MALRD1: variants seen among roughly 807,000 people sequenced by gnomAD.
MALRD1 encodes MAM and LDL receptor class A domain containing 1, also known as MAM and LDL-receptor class A domain-containing protein 1.
A neutral mutation model predicts 242.1 loss-of-function variants in MALRD1; 247 were observed. The observed-to-expected ratio is 1.02, with a 90% CI of 0.92 to 1.13. MALRD1 has a LOEUF of 1.13. Ranked by LOEUF, MALRD1 falls within the 50% of genes most tolerant of loss-of-function variation. The pLI, the probability that MALRD1 is intolerant of heterozygous loss-of-function variation, is 0.00. For missense variants in MALRD1, 2,989 were observed against 2,533.1 expected (o/e 1.18, Z -3.86); for synonymous variants, 995 against 866.6 (o/e 1.15, Z -2.60).
At chr10:19,458,925 G>A (rs1385916646) in intron 29 of MALRD1, among the ~76,000 whole-genome samples, 1 of 151,594 alleles carries the variant, frequency 6.6e-6, no homozygotes, top group African/African-American at 2.4e-5. Flanking sequence ...TATATATATA[G>A]TATTTTTTAA....
intron 12 of MALRD1, among the ~76,000 whole-genome samples, chr10:19,160,137 A>C (rs1834334506): frequency 6.6e-6 from 1 of 152,172 alleles, no homozygotes; most frequent in African/African-American, 2.4e-5. Flanking sequence ...ATTTTACTTA[A>C]CTTGTTTTGA....
chr10:19,181,058 A>C (rs1835481047), intron 14 of MALRD1, among the ~76,000 whole-genome samples: 1 of 152,100 alleles, frequency 6.6e-6, no homozygotes, highest in African/African-American at 2.4e-5. Flanking sequence ...ATTAAAAAAA[A>C]GCGTAACACA....
Position 19,683,255 on chromosome 10 carries a change from C to T in MALRD1, c.6138-9027C>T, listed in dbSNP as rs140963447. On this transcript the variant is annotated intron_variant, in intron 36 of 39. Coordinates refer to ENST00000454679, the MANE Select transcript of MALRD1 (RefSeq NM_001142308.3). ...CCAAATGCTCACAATGGGATCGGAG[C>T]CTGCCTTTGTTAGATCCAGCTCCCT... Among the ~76,000 whole-genome samples, 374 of 152,262 alleles carry T rather than the reference C, an allele frequency of 2.5e-3. 2 individuals carry two copies. Among genetic ancestry groups the T allele is most frequent in the Non-Finnish European group, 2.5e-3 (167 of 68,030 alleles).
At chr10:19,496,882 A>G (rs1316158723) in intron 30 of MALRD1, among the ~76,000 whole-genome samples, 2 of 152,184 alleles carry the variant, frequency 1.3e-5, no homozygotes, top group African/African-American at 2.4e-5. Context: ...GAAGCTGTGG[A>G]AAGTCAATAG....
intron 5 of MALRD1, among the ~76,000 whole-genome samples, chr10:19,118,998 A>C (rs1836970387): frequency 6.6e-6 from 1 of 152,206 alleles, no homozygotes; most frequent in African/African-American, 2.4e-5. Context: ...CAAATTAAGA[A>C]GTTACTAAGA....
At chr10:19,493,936 G>T (rs1011264049) in intron 30 of MALRD1, among the ~76,000 whole-genome samples, 5 of 152,188 alleles carry the variant, frequency 3.3e-5, no homozygotes, top group Admixed American at 3.3e-4. Flanking sequence ...GATGTACTAA[G>T]TAGGGCATTT....
chr10:19,168,211 G>T (rs1448427700), intron 13 of MALRD1, among the ~76,000 whole-genome samples: 1 of 152,186 alleles, frequency 6.6e-6, no homozygotes, highest in Non-Finnish European at 1.5e-5. Flanking sequence ...AAGACGTCAT[G>T]AATACTAGCA....
chr10:19,109,467 A>T (rs1255285233), intron 5 of MALRD1, among the ~76,000 whole-genome samples: 1 of 152,078 alleles, frequency 6.6e-6, no homozygotes, highest in Non-Finnish European at 1.5e-5. Flanking sequence ...GATTGCCTAT[A>T]ATTTGGGGGT....
chr10:19,499,029 A>C (rs1459361380), intron 31 of MALRD1, among the ~76,000 whole-genome samples: 1 of 152,174 alleles, frequency 6.6e-6, no homozygotes, highest in African/African-American at 2.4e-5. Flanking sequence ...CAGTCACAAC[A>C]ATGAAATGGC....
intron 11 of MALRD1, among the ~76,000 whole-genome samples, chr10:19,147,579 T>C (rs1012202711): frequency 6.6e-6 from 1 of 152,242 alleles, no homozygotes; most frequent in African/African-American, 2.4e-5. Context: ...TTTTTCTCTG[T>C]TCAAGCCAAT....
intron 18 of MALRD1, among the ~76,000 whole-genome samples, chr10:19,252,489 A>G (rs11009135): frequency 0.13 from 20,146 of 152,066 alleles, 1,679 homozygotes; most frequent in Admixed American, 0.27. Flanking sequence ...AGCTAAGAAG[A>G]AATACAATAT....
chr10:19,226,670 G>T (rs968767013), intron 18 of MALRD1, among the ~76,000 whole-genome samples: 1 of 151,796 alleles, frequency 6.6e-6, no homozygotes, highest in African/African-American at 2.4e-5. Flanking sequence ...AAAGAAGAAA[G>T]AAATAAAGAG....
chr10:19,185,788 A>C (rs565374500), intron 14 of MALRD1, among the ~76,000 whole-genome samples: 3 of 143,256 alleles, frequency 2.1e-5, no homozygotes, highest in African/African-American at 7.8e-5. Flanking sequence ...TCCTATAGCA[A>C]CTCTCTGCTC....
chr10:19,048,134 G>C (rs1464508769), upstream of MALRD1, among the ~76,000 whole-genome samples: 1 of 152,132 alleles, frequency 6.6e-6, no homozygotes, highest in Non-Finnish European at 1.5e-5. Context: ...TGAATTGACA[G>C]GTGAATTCTT....
At chr10:19,718,096 G>A (rs1254866575) in intron 38 of MALRD1, among the ~76,000 whole-genome samples, 1 of 97,068 alleles carries the variant, frequency 1.0e-5, no homozygotes, top group Non-Finnish European at 2.0e-5. Flanking sequence ...AGAAGAAGAA[G>A]AAGAGGAAGA....
At chr10:19,461,725 TC>T (rs1835956210) in intron 29 of MALRD1, among the ~76,000 whole-genome samples, 1 of 151,988 alleles carries the variant, frequency 6.6e-6, no homozygotes, top group South Asian at 2.1e-4. Context: ...ACACCTGTGG[TC>T]CCAGCTACTT....
At chr10:19,211,609 C>T (rs1312253168) in intron 18 of MALRD1, among the ~76,000 whole-genome samples, 2 of 144,058 alleles carry the variant, frequency 1.4e-5, no homozygotes, top group African/African-American at 5.2e-5. Context: ...ATCGCTTGAA[C>T]CCAGGAGGCT....
At chr10:19,599,144 AT>A (rs1427623688) in intron 34 of MALRD1, among the ~76,000 whole-genome samples, 1 of 152,174 alleles carries the variant, frequency 6.6e-6, no homozygotes, top group Non-Finnish European at 1.5e-5. Flanking sequence ...TTGGAGTGGA[AT>A]GCAGGAAAAA....
At chr10:19,726,805 T>C (rs1835047276) in intron 38 of MALRD1, among the ~76,000 whole-genome samples, 1 of 152,210 alleles carries the variant, frequency 6.6e-6, no homozygotes, top group African/African-American at 2.4e-5. Context: ...ACAATATGGA[T>C]GAATCTTGAA....
Sources: gnomAD v4.1 joint callset for allele counts (sites outside exome capture counted in the v4.1 genomes callset) on GRCh38, gnomAD v4.1.1 for gene constraint, MANE v1.5 for transcripts, NCBI Gene and HGNC (gene_info 2026-07-23, HGNC 2026-07-21) for gene names.